The following CSGALNACT1 variants were observed in gnomAD, a reference collection of about 807,000 sequenced individuals.
The protein encoded by CSGALNACT1 is beta4GalNAcT-1.
A neutral mutation model predicts 51.0 loss-of-function variants in CSGALNACT1; 52 were observed. The ratio of observed to expected loss-of-function variants is 1.02; its 90% CI spans 0.82 to 1.29. The LOEUF is 1.29. Ranked by LOEUF, CSGALNACT1 falls within the 50% of genes most tolerant of loss-of-function variation. The pLI is 0.00. For synonymous variants in CSGALNACT1, 341 were observed against 254.4 expected (o/e 1.34, Z -3.24); for missense variants, 935 against 679.2 (o/e 1.38, Z -4.19).
chr8:19,659,068 A>G (rs1016592360), intron 1 of CSGALNACT1, among the ~76,000 whole-genome samples: 2 of 152,142 alleles, frequency 1.3e-5, no homozygotes, highest in African/African-American at 4.8e-5. Context: ...GCTCCCCCCA[A>G]CCCACCCACC....
chr8:19,572,790 T>A (rs1490920743), intron 3 of CSGALNACT1, among the ~76,000 whole-genome samples: 3 of 152,212 alleles, frequency 2.0e-5, no homozygotes. Flanking sequence ...GGGTCACTGA[T>A]AATTGACAGT....
intron 4 of CSGALNACT1, among the ~76,000 whole-genome samples, chr8:19,488,170 T>G (rs1009836500): frequency 6.6e-6 from 1 of 151,512 alleles, no homozygotes; most frequent in Non-Finnish European, 1.5e-5. Context: ...GCCAAAATAG[T>G]GAAACTCCAT....
intron 1 of CSGALNACT1, among the ~76,000 whole-genome samples, chr8:19,633,144 G>A (rs2055531978): frequency 6.6e-6 from 1 of 152,056 alleles, no homozygotes; most frequent in Non-Finnish European, 1.5e-5. Context: ...AACATTTCCA[G>A]TGAGGGACCT....
intron 1 of CSGALNACT1, among the ~76,000 whole-genome samples, chr8:19,666,827 GAGAGAGAAAGAAAGAAAGAA>G (rs1452423721): frequency 0.019 from 755 of 39,972 alleles, 29 homozygotes; most frequent in African/African-American, 0.067. Flanking sequence ...GAGAGAGAGA[GAGAGAGAAAGAAAGAAAGAA>G]AGAAAGAAAG....
At chr8:19,658,062 C>A (rs1472008769) in intron 1 of CSGALNACT1, among the ~76,000 whole-genome samples, 190 of 86,622 alleles carry the variant, frequency 2.2e-3, no homozygotes, top group Admixed American at 2.6e-3. Context: ...ACCCTCCTTC[C>A]AAAAAAAAAA....
rs1296595547 is a variant in CSGALNACT1 at position 19,505,837 on chromosome 8, A to C, written c.-3T>G. Reference sequence around the variant, plus strand: ...AGCCCCCGGCGAACCATCATCATTCAGGAATCAGCCATGCGTCCAGAACCG... The same window carrying C: ...AGCCCCCGGCGAACCATCATCATTCCGGAATCAGCCATGCGTCCAGAACCG... On this transcript the variant is annotated 5_prime_UTR_variant, in exon 4 of 10. The change abolishes the stop of an existing upstream ORF in the 5' untranslated region. Transcript: ENST00000454498. 96 of 1,609,676 alleles carry C rather than the reference A, an allele frequency of 6.0e-5. No individual in the cohort carries two copies. Among genetic ancestry groups the C allele is most frequent in the Non-Finnish European group, 7.1e-5 (84 of 1,180,008 alleles).
chr8:19,428,691 G>T (rs188210450), intron 6 of CSGALNACT1, among the ~76,000 whole-genome samples: 2 of 152,124 alleles, frequency 1.3e-5, no homozygotes, highest in South Asian at 4.1e-4. Flanking sequence ...CTTCTTTTAT[G>T]TCTTAAATAA....
At chr8:19,523,966 A>G (rs1320870290) in intron 3 of CSGALNACT1, among the ~76,000 whole-genome samples, 1 of 152,128 alleles carries the variant, frequency 6.6e-6, no homozygotes, top group East Asian at 1.9e-4. Context: ...AGATGGAAAA[A>G]CTTGGGAGAA....
chr8:19,427,189 C>T (rs1019415119), intron 6 of CSGALNACT1, among the ~76,000 whole-genome samples: 4 of 152,118 alleles, frequency 2.6e-5, no homozygotes, highest in Admixed American at 6.6e-5. Context: ...GCCTTTCCAT[C>T]GGTTCTAAAA....
At chr8:19,682,409 T>G (rs943084829) in intron 1 of CSGALNACT1, 6 of 338,044 alleles carry the variant, frequency 1.8e-5, no homozygotes, top group Non-Finnish European at 3.5e-5. Context: ...CTCCCAGCAC[T>G]CCCCAAACAG....
At chr8:19,659,137 T>C (rs1034989269) in intron 1 of CSGALNACT1, among the ~76,000 whole-genome samples, 2 of 152,228 alleles carry the variant, frequency 1.3e-5, no homozygotes, top group Non-Finnish European at 2.9e-5. Flanking sequence ...TTTTAAAGTT[T>C]GATGTACCAT....
At chr8:19,693,455 C>A (rs1308246371) in intron 1 of CSGALNACT1, among the ~76,000 whole-genome samples, 3 of 152,106 alleles carry the variant, frequency 2.0e-5, no homozygotes, top group Non-Finnish European at 4.4e-5. Context: ...TGGCTTTTCG[C>A]ATCTTCTAAA....
intron 1 of CSGALNACT1, among the ~76,000 whole-genome samples, chr8:19,632,397 G>A (rs2055391156): frequency 6.6e-6 from 1 of 152,226 alleles, no homozygotes; most frequent in Non-Finnish European, 1.5e-5. Context: ...CAAAAGCTTT[G>A]GAAATAGTCC....
chr8:19,664,105 A>G (rs912630606), intron 1 of CSGALNACT1, among the ~76,000 whole-genome samples: 3 of 152,182 alleles, frequency 2.0e-5, no homozygotes, highest in African/African-American at 7.2e-5. Flanking sequence ...AGGCTCCTGG[A>G]AAGAGTTTAT....
chr8:19,744,451 G>C (rs1044065562), intron 1 of CSGALNACT1, among the ~76,000 whole-genome samples: 1 of 152,118 alleles, frequency 6.6e-6, no homozygotes, highest in African/African-American at 2.4e-5. Flanking sequence ...TGTCCAACAC[G>C]TCCCTTATAA....
intron 6 of CSGALNACT1, among the ~76,000 whole-genome samples, chr8:19,428,634 G>C (rs1353476926): frequency 6.6e-6 from 1 of 152,146 alleles, no homozygotes; most frequent in African/African-American, 2.4e-5. Context: ...CCTACATAAG[G>C]ACTGGCGAAT....
Position 19,493,868 on chromosome 8 carries a change from T to TTA in CSGALNACT1, c.634+11331_634+11332dup, listed in dbSNP as rs781051553. On this transcript the variant is annotated intron_variant, in intron 4 of 9. Coordinates refer to ENST00000454498, the Ensembl canonical transcript of CSGALNACT1. ...CATCAGTATATATACGTATGTGTGT[T>TTA]TATACACACACACACACACACACAC... Among the ~76,000 whole-genome samples the TTA allele has an allele frequency of 4.3e-5, 5 of 116,336 alleles. No homozygotes were observed. The East Asian group carries it at 1.0e-3, about 24-fold the overall frequency. The allele number at this position is 116,336 out of a possible 152,430, so 76.3% of individuals were successfully genotyped here.
intron 7 of CSGALNACT1, among the ~76,000 whole-genome samples, chr8:19,419,483 G>T (rs1456513823): frequency 1.3e-5 from 2 of 152,160 alleles, no homozygotes; most frequent in Non-Finnish European, 1.5e-5. Flanking sequence ...TTACACAAAA[G>T]AATTTCTGTA....
At chr8:19,642,741 C>T (rs557908827) in intron 1 of CSGALNACT1, among the ~76,000 whole-genome samples, 4 of 151,082 alleles carry the variant, frequency 2.6e-5, no homozygotes, top group Admixed American at 1.3e-4. Flanking sequence ...AGCTGCTGTG[C>T]TTTCACCACT....
Sources: allele counts gnomAD v4.1 joint callset (sites outside exome capture counted in the v4.1 genomes callset), GRCh38; gene constraint gnomAD v4.1.1; transcripts MANE v1.5; gene names NCBI Gene and HGNC (gene_info 2026-07-23, HGNC 2026-07-21).